IL22RA1: variants seen among roughly 807,000 people sequenced by gnomAD.
The protein encoded by IL22RA1 is interleukin-22 receptor subunit alpha-1.
A neutral mutation model predicts 32.8 loss-of-function variants in IL22RA1; 25 were observed. The ratio of observed to expected loss-of-function variants is 0.76; its 90% confidence interval spans 0.55 to 1.06. The LOEUF (loss-of-function observed/expected upper bound fraction) is 1.06, where lower values mean the gene tolerates loss of function less well. IL22RA1 is among the 50% of genes least tolerant of loss of function. The probability of loss-of-function intolerance (pLI) is 0.00; values close to 1 mark genes in which losing one functional copy is unlikely to be tolerated. For synonymous variants in IL22RA1, 305 were observed against 305.0 expected (o/e 1.00, Z 0.00); for missense variants, 709 against 727.4 (o/e 0.97, Z 0.29).
chr1:24,125,134 CCTA>C (rs35671778), intron 5 of IL22RA1, among the ~76,000 whole-genome samples: 20,692 of 152,106 alleles, frequency 0.14, 1,687 homozygotes, highest in Non-Finnish European at 0.18. Flanking sequence ...TGGTTGAACT[CCTA>C]CTACAGGCCA....
chr1:24,131,522 G>A (rs1644204454), intron 4 of IL22RA1, among the ~76,000 whole-genome samples: 1 of 151,926 alleles, frequency 6.6e-6, no homozygotes. Context: ...CAAATAAAAA[G>A]GAACAATTCC....
At chr1:24,121,763 C>T (rs749559924) in intron 6 of IL22RA1, 26 bp from the exon 7 acceptor site, 2 of 1,450,938 alleles carry the variant, frequency 1.4e-6, no homozygotes, top group Non-Finnish European at 1.8e-6. Flanking sequence ...AACAGTCACC[C>T]CCCTGTGGTT....
chr1:24,128,392 C>A, intron 4 of IL22RA1, 113 bp from the exon 5 acceptor site: 1 of 1,269,146 alleles, frequency 7.9e-7, no homozygotes, highest in South Asian at 1.3e-5. Flanking sequence ...ATGGGTCTGT[C>A]TTCAGCCTCT....
chr1:24,140,155 AC>A (rs1644270501), intron 1 of IL22RA1, among the ~76,000 whole-genome samples: 1 of 152,208 alleles, frequency 6.6e-6, no homozygotes, highest in East Asian at 1.9e-4. Context: ...TTAAATCCTC[AC>A]GACAACGTGC....
intron 4 of IL22RA1, among the ~76,000 whole-genome samples, chr1:24,132,179 G>A (rs1274468714): frequency 6.6e-6 from 1 of 152,124 alleles, no homozygotes; most frequent in Non-Finnish European, 1.5e-5. Context: ...TGGGGAAGAA[G>A]CGCCTGGGTT....
At chr1:24,123,173 C>T (rs1570901039) in intron 6 of IL22RA1, 129 bp downstream of exon 6, 1 of 1,356,864 alleles carries the variant, frequency 7.4e-7, no homozygotes, top group East Asian at 2.5e-5. Flanking sequence ...ACTGTGAGCT[C>T]CGTGAATGGA....
In IL22RA1 at chr1:24,121,448, G is replaced by A; in HGVS notation, c.1082C>T (p.Pro361Leu). The change falls in exon 7 of 7, where the codon CCC (proline) becomes CTC (leucine). Residue 361 changes from proline to leucine, a missense_variant. By Grantham distance (98) the Pro-to-Leu change is moderately conservative. Coordinates refer to ENST00000270800, the MANE Select transcript of IL22RA1 (RefSeq NM_021258.4). Reference sequence around the variant, plus strand: ...GGTCACCTGAGGTGCATAGGATGGGGGCCCGACCTCAGGGGCAGCGTTTGG... The same window carrying A: ...GGTCACCTGAGGTGCATAGGATGGGAGCCCGACCTCAGGGGCAGCGTTTGG... Reference protein sequence around the residue: ...YAPNAAPEVGPPSYAPQVTPE... With the variant: ...YAPNAAPEVGLPSYAPQVTPE... 27 of 1,546,168 alleles carry A rather than the reference G, an allele frequency of 1.7e-5. No homozygotes were observed. Among genetic ancestry groups the A allele is most frequent in the Non-Finnish European group, 2.4e-5 (27 of 1,144,116 alleles).
Position 24,120,599 on chromosome 1 carries a change from C to T in IL22RA1, c.*206G>A, listed in dbSNP as rs575411350. 32 of 544,086 alleles carry T rather than the reference C, an allele frequency of 5.9e-5. No individual in the cohort carries two copies. The highest frequency in any genetic ancestry group is 1.0e-4 in the Non-Finnish European group (31 of 309,308). The allele number at this position is 544,086 out of a possible 1,614,324, so 33.7% of individuals were successfully genotyped here. ...CACAAGCTGCTCCCCAGAGCTCCCC[C>T]GCTGCAGTCCTTATCATGCTGCTTT... On this transcript the variant is annotated 3_prime_UTR_variant, in exon 7 of 7. Transcript: ENST00000270800.
rs1644117837 is a variant in IL22RA1 at position 24,121,197 on chromosome 1, G to A, written c.1333C>T (p.Leu445Phe). 6.2e-7 allele frequency: 1 copy of A among 1,614,224 alleles called. No homozygotes were observed. The highest frequency in any genetic ancestry group is 8.5e-7 in the Non-Finnish European group (1 of 1,180,042). ...AAGGAGGTCACCTCCTGCAGAGAAA[G>A]GCCACCTAACATGCAGCTTCCAGCT... ...PPAGSCMLGGLSLQEVTSLAM... is the reference protein window; with the variant it reads ...PPAGSCMLGGFSLQEVTSLAM... Residue 445 changes from leucine to phenylalanine, a missense_variant, in exon 7 of 7, where the codon CTT becomes TTT. Physicochemically the swap from Leu to Phe is conservative, Grantham distance 22 (BLOSUM62 0). Coordinates refer to ENST00000270800, the MANE Select transcript of IL22RA1 (RefSeq NM_021258.4).
intron 5 of IL22RA1, among the ~76,000 whole-genome samples, chr1:24,127,499 G>T (rs908801662): frequency 3.9e-5 from 6 of 152,042 alleles, no homozygotes; most frequent in Non-Finnish European, 8.8e-5. Flanking sequence ...TTTTTGTGGA[G>T]ATGGGGTTTT....
intron 1 of IL22RA1, among the ~76,000 whole-genome samples, chr1:24,141,102 A>G (rs918814282): frequency 6.6e-6 from 1 of 152,212 alleles, no homozygotes; most frequent in Non-Finnish European, 1.5e-5. Context: ...AGCAGCTGCA[A>G]AATGTCTTCA....
At position 24,123,319 on chromosome 1, in the gene IL22RA1, C is replaced by T; in HGVS notation, c.775G>A (p.Ala259Thr). ...TGGCTCACCAGGGAGTTGGGAGGTGCAGGCGGCTTGGTGACATATCTGTAG... is the reference window on the plus strand; with the variant it reads ...TGGCTCACCAGGGAGTTGGGAGGTGTAGGCGGCTTGGTGACATATCTGTAG... ...LSYRYVTKPP[A>T]PPNSLNVQRV... is the part of the protein sequence containing the mutation. Residue 259 changes from alanine (A) to threonine (T), a missense_variant, in exon 6 of 7, where the codon GCA becomes ACA. Coordinates refer to ENST00000270800, the MANE Select transcript of IL22RA1 (RefSeq NM_021258.4). 1 of 1,614,028 alleles carries T rather than the reference C, an allele frequency of 6.2e-7. No individual in the cohort carries two copies.
At chr1:24,132,874 C>T (rs1415114754) in intron 4 of IL22RA1, among the ~76,000 whole-genome samples, 2 of 151,408 alleles carry the variant, frequency 1.3e-5, no homozygotes, top group Non-Finnish European at 2.9e-5. Context: ...GCTTTTCTCT[C>T]TGATCATGGT....
chr1:24,140,599 G>T (rs533537237), intron 1 of IL22RA1, among the ~76,000 whole-genome samples: 1 of 152,312 alleles, frequency 6.6e-6, no homozygotes, highest in Admixed American at 6.5e-5. Flanking sequence ...GGCAGTGAGG[G>T]CCTGAGCCTC....
At chr1:24,136,017 C>T (rs1644239675) in intron 3 of IL22RA1, among the ~76,000 whole-genome samples, 2 of 152,288 alleles carry the variant, frequency 1.3e-5, no homozygotes, top group South Asian at 4.1e-4. Flanking sequence ...TGCAGTGGGG[C>T]AATCCCAGCT....
At chr1:24,135,979 G>A (rs1164069987) in intron 3 of IL22RA1, among the ~76,000 whole-genome samples, 2 of 152,106 alleles carry the variant, frequency 1.3e-5, no homozygotes, top group Non-Finnish European at 2.9e-5. Context: ...TTTTGAGATA[G>A]GATCTCACTG....
Position 24,121,027 on chromosome 1 carries a change from T to C in IL22RA1, c.1503A>G (p.Ser501=). ...YLKGQLPLLS[S]VQIEGHPMSL... The stretch of plus-strand genomic sequence containing the variant: ...ACATGGGGTGGCCCTCGATCTGGAC[T>C]GAGGAGAGGAGGGGGAGCTGGCCCT... The change falls in exon 7 of 7, where the codon TCA becomes TCG. Residue 501 remains serine (S), a synonymous_variant. Coordinates refer to ENST00000270800, the MANE Select transcript of IL22RA1 (RefSeq NM_021258.4). 1 of 1,614,144 alleles carries C rather than the reference T, an allele frequency of 6.2e-7. No homozygotes were observed. The highest frequency in any genetic ancestry group is 8.5e-7 in the Non-Finnish European group (1 of 1,179,988).
chr1:24,134,904 T>C lies in IL22RA1; in HGVS notation c.356-518A>G, dbSNP rs1644232071. 6.8e-6 allele frequency: 6 copies of C among 886,810 alleles called. No homozygotes were observed. In the African/African-American group the frequency reaches 7.2e-5, roughly 11 times the overall value. 54.9% of individuals were successfully genotyped at this position (886,810 alleles called of 1,614,324 possible). A position where few individuals can be genotyped will look rare whatever the true frequency, so the allele number is the denominator to read the frequency against. Reference sequence around the variant, plus strand: ...TACCTTTGCTGGTTTACAGACTCCTTTGAGAATGTGATGAATGCTGTGGGT... The same window carrying C: ...TACCTTTGCTGGTTTACAGACTCCTCTGAGAATGTGATGAATGCTGTGGGT... On this transcript the variant is annotated intron_variant, in intron 3 of 6. Coordinates refer to ENST00000270800, the MANE Select transcript of IL22RA1 (RefSeq NM_021258.4).
At chr1:24,142,682 A>G (rs1400584701) in intron 1 of IL22RA1, among the ~76,000 whole-genome samples, 1 of 152,216 alleles carries the variant, frequency 6.6e-6, no homozygotes, top group Non-Finnish European at 1.5e-5. Context: ...GAAGGATGGT[A>G]CAAACTGTGC....
Sources: gnomAD v4.1 joint callset for allele counts (sites outside exome capture counted in the v4.1 genomes callset) on GRCh38, gnomAD v4.1.1 for gene constraint, MANE v1.5 for transcripts, NCBI Gene and HGNC (gene_info 2026-07-23, HGNC 2026-07-21) for gene names.